CTNNA2: variants seen among roughly 807,000 people sequenced by gnomAD.
CTNNA2 encodes the protein catenin alpha 2.
A neutral mutation model predicts 101.0 loss-of-function variants in CTNNA2; 42 were observed. The ratio of observed to expected loss-of-function variants is 0.42; its 90% CI spans 0.32 to 0.54. The LOEUF (loss-of-function observed/expected upper bound fraction) is 0.54, where lower values mean the gene tolerates loss of function less well. Among genes scored for constraint, CTNNA2 ranks in the 20% least tolerant of loss-of-function variants. CTNNA2 has a pLI of 0.14. For synonymous variants in CTNNA2, 450 were observed against 456.4 expected (o/e 0.99, Z 0.18); for missense variants, 871 against 1,223.1 (o/e 0.71, Z 4.29).
At chr2:80,331,036 T>G (rs1340890992) in intron 7 of CTNNA2, among the ~76,000 whole-genome samples, 3 of 151,928 alleles carry the variant, frequency 2.0e-5, no homozygotes, top group Non-Finnish European at 2.9e-5. Flanking sequence ...TTTTTTTTTT[T>G]TTTCCTTCCC....
At chr2:79,687,444 C>CTT (rs35164413) in intron 2 of CTNNA2, 16,080 of 414,674 alleles carry the variant, frequency 0.039, 42 homozygotes, top group East Asian at 0.046. Flanking sequence ...TTTGGATCTG[C>CTT]TTTTTTTTTT....
intron 1 of CTNNA2, among the ~76,000 whole-genome samples, chr2:79,645,809 CG>C (rs1403275195): frequency 2.0e-5 from 3 of 152,110 alleles, no homozygotes; most frequent in African/African-American, 7.2e-5. Context: ...ACAATGAAAC[CG>C]AAGCTTAGGT....
At chr2:80,371,556 AT>A (rs56220769) in intron 7 of CTNNA2, among the ~76,000 whole-genome samples, 40,977 of 145,224 alleles carry the variant, frequency 0.28, 6,408 homozygotes, top group African/African-American at 0.44. Context: ...GAAATCAGGG[AT>A]TTTTTTTTTT....
chr2:80,267,499 A>G (rs899715865), intron 7 of CTNNA2, among the ~76,000 whole-genome samples: 1 of 152,188 alleles, frequency 6.6e-6, no homozygotes, highest in Non-Finnish European at 1.5e-5. Flanking sequence ...CCCGGACTAT[A>G]GTGCTGAGGC....
At chr2:80,598,124 C>T (rs912075513) in intron 15 of CTNNA2, among the ~76,000 whole-genome samples, 5 of 152,016 alleles carry the variant, frequency 3.3e-5, no homozygotes, top group Non-Finnish European at 5.9e-5. Flanking sequence ...TAGTATCCAG[C>T]CATAAAGAAG....
chr2:80,644,508 C>A (rs1673846495), intron 18 of CTNNA2, among the ~76,000 whole-genome samples: 1 of 152,088 alleles, frequency 6.6e-6, no homozygotes, highest in Non-Finnish European at 1.5e-5. Context: ...TTTTAGCCAA[C>A]CTTGCCAATT....
At chr2:79,473,803 G>A (rs903805885) in intron 4 of CTNNA2, among the ~76,000 whole-genome samples, 1 of 152,096 alleles carries the variant, frequency 6.6e-6, no homozygotes, top group Non-Finnish European at 1.5e-5. Flanking sequence ...TGGATCTACT[G>A]AGATAAAGAA....
At chr2:80,234,822 T>C (rs1709458295) in intron 7 of CTNNA2, among the ~76,000 whole-genome samples, 1 of 152,184 alleles carries the variant, frequency 6.6e-6, no homozygotes, top group African/African-American at 2.4e-5. Context: ...ATTTTTTTTT[T>C]TTTGGTATGT....
Position 80,095,624 on chromosome 2 carries a change from G to A in CTNNA2, c.1056+185827G>A, listed in dbSNP as rs575942169. On this transcript the variant is annotated intron_variant, in intron 7 of 18. Coordinates refer to ENST00000402739, the MANE Select transcript of CTNNA2 (RefSeq NM_001282597.3). ...TCTAGTAGAATTTGGCTGTGAATCC[G>A]TCTGGTCCTGGACTTTTTTTGGTTG... Among the ~76,000 whole-genome samples the A allele has an allele frequency of 4.5e-4, 68 of 152,204 alleles. No homozygotes were observed. The South Asian group carries it at 7.9e-3, about 18-fold the overall frequency.
intron 7 of CTNNA2, among the ~76,000 whole-genome samples, chr2:79,993,234 A>G (rs910141798): frequency 6.6e-6 from 1 of 152,238 alleles, no homozygotes; most frequent in Non-Finnish European, 1.5e-5. Context: ...AGAAGCGTAC[A>G]TGAGCATTGT....
At chr2:79,522,746 G>A (rs923147980) in intron 1 of CTNNA2, among the ~76,000 whole-genome samples, 3 of 152,134 alleles carry the variant, frequency 2.0e-5, no homozygotes, top group African/African-American at 2.4e-5. Context: ...ATAACTACTC[G>A]GTAGGTAGCT....
chr2:79,335,204 G>C (rs1326584182), intron 3 of CTNNA2, among the ~76,000 whole-genome samples: 2 of 151,958 alleles, frequency 1.3e-5, no homozygotes, highest in Non-Finnish European at 2.9e-5. Context: ...TTCTTCAGGG[G>C]CCCCCAGTTA....
intron 4 of CTNNA2, among the ~76,000 whole-genome samples, chr2:79,425,356 T>G (rs1678581966): frequency 6.6e-6 from 1 of 152,180 alleles, no homozygotes; most frequent in African/African-American, 2.4e-5. Flanking sequence ...CATCATTATT[T>G]TAGTCCATTT....
At chr2:80,622,988 G>A (rs1330149256) in intron 18 of CTNNA2, among the ~76,000 whole-genome samples, 2 of 150,340 alleles carry the variant, frequency 1.3e-5, no homozygotes, top group Non-Finnish European at 3.0e-5. Flanking sequence ...TCTGTTTGGG[G>A]ATGGTGAAGT....
intron 2 of CTNNA2, among the ~76,000 whole-genome samples, chr2:79,242,989 TATATACACACACACAC>T (rs1335853128): frequency 2.2e-5 from 2 of 92,108 alleles, no homozygotes; most frequent in African/African-American, 6.9e-5. Context: ...TATATATATA[TATATACACACACACAC>T]ACACACACAC....
chr2:79,521,155 TATATATATATATAA>T (rs1353815328), intron 1 of CTNNA2, among the ~76,000 whole-genome samples: 5 of 112,262 alleles, frequency 4.5e-5, no homozygotes, highest in African/African-American at 9.4e-5. Flanking sequence ...TATATATATA[TATATATATATATAA>T]ATTTTAAGGT....
chr2:80,329,762 C>T lies in CTNNA2; in HGVS notation c.1057-63449C>T, dbSNP rs115686341. On this transcript the variant is annotated intron_variant, in intron 7 of 18. Transcript: ENST00000402739. ...TGAGGTAAAAGGGCATGTTTGTGTG[C>T]GGCAGGAAAGTGACTGTCCATAGGG... 5.3e-3 allele frequency among the ~76,000 whole-genome samples: 809 copies of T among 152,244 alleles called. 8 individuals are homozygous for T. Among genetic ancestry groups the T allele is most frequent in the African/African-American group, 0.018 (755 of 41,542 alleles).
chr2:80,121,617 T>C (rs1701839503), intron 7 of CTNNA2, among the ~76,000 whole-genome samples: 1 of 152,166 alleles, frequency 6.6e-6, no homozygotes, highest in South Asian at 2.1e-4. Context: ...CAGTGGAGTT[T>C]CGTGATTCTC....
chr2:80,300,093 C>G (rs1375100211), intron 7 of CTNNA2, among the ~76,000 whole-genome samples: 1 of 152,106 alleles, frequency 6.6e-6, no homozygotes, highest in Non-Finnish European at 1.5e-5. Context: ...TTTAGAAAGG[C>G]AAACCCAAAT....
Sources: gnomAD v4.1 joint callset for allele counts (sites outside exome capture counted in the v4.1 genomes callset) on GRCh38, gnomAD v4.1.1 for gene constraint, MANE v1.5 for transcripts, NCBI Gene and HGNC (gene_info 2026-07-23, HGNC 2026-07-21) for gene names.